NALCN: variants seen among roughly 807,000 people sequenced by gnomAD.
NALCN encodes sodium leak channel NALCN.
A neutral mutation model predicts 225.3 loss-of-function variants in NALCN; 111 were observed. The observed-to-expected ratio is 0.49, with a 90% CI of 0.42 to 0.58. The LOEUF (loss-of-function observed/expected upper bound fraction) is 0.58. Among genes scored for constraint, NALCN ranks in the 20% least tolerant of loss-of-function variants. The pLI is 0.00. For missense variants in NALCN, 1,378 were observed against 2,202.4 expected (o/e 0.63, Z 7.49); for synonymous variants, 764 against 769.0 (o/e 0.99, Z 0.11).
intron 43 of NALCN, chr13:101,057,720 T>C (rs1031570538): frequency 1.2e-5 from 7 of 560,850 alleles, no homozygotes; most frequent in African/African-American, 9.4e-5. Flanking sequence ...CATGATAGCC[T>C]GAAATGTACC....
At chr13:101,299,467 C>T (rs1029506444) in intron 7 of NALCN, among the ~76,000 whole-genome samples, 2 of 151,974 alleles carry the variant, frequency 1.3e-5, no homozygotes, top group African/African-American at 4.8e-5. Flanking sequence ...TTTGGGTAAG[C>T]TTTCAGGTTT....
At chr13:101,221,410 C>T (rs1361277981) in intron 13 of NALCN, among the ~76,000 whole-genome samples, 2 of 152,152 alleles carry the variant, frequency 1.3e-5, no homozygotes, top group Non-Finnish European at 2.9e-5. Context: ...AGCCCTGCAC[C>T]TGGCCAAAGA....
At chr13:101,351,019 G>A (rs1321663412) in intron 6 of NALCN, among the ~76,000 whole-genome samples, 1 of 152,002 alleles carries the variant, frequency 6.6e-6, no homozygotes, top group African/African-American at 2.4e-5. Context: ...ATACATATAT[G>A]TATATACACA....
intron 18 of NALCN, chr13:101,116,938 C>A (rs753195580): frequency 1.9e-6 from 1 of 515,724 alleles, no homozygotes; most frequent in Non-Finnish European, 3.9e-6. Flanking sequence ...ACTAGAGTGA[C>A]AATGTGATCT....
At chr13:101,144,943 T>C (rs1566337390) in intron 15 of NALCN, 47 bp from the exon 16 acceptor site, 2 of 1,545,752 alleles carry the variant, frequency 1.3e-6, no homozygotes, top group East Asian at 2.3e-5. Flanking sequence ...CCTATAATAC[T>C]ATTATATACG....
chr13:101,321,231 A>G (rs514503), intron 7 of NALCN, among the ~76,000 whole-genome samples: 52,423 of 140,386 alleles, frequency 0.37, 9,217 homozygotes, highest in Middle Eastern at 0.44. Flanking sequence ...CAAAAGTCAA[A>G]TATACCAATA....
At chr13:101,093,778 C>A (rs1414929146) in intron 28 of NALCN, among the ~76,000 whole-genome samples, 1 of 152,102 alleles carries the variant, frequency 6.6e-6, no homozygotes, top group Non-Finnish European at 1.5e-5. Flanking sequence ...TGGTTATTTT[C>A]AGTAATTCAG....
chr13:101,410,277 A>C (rs2047741675), intron 1 of NALCN, among the ~76,000 whole-genome samples: 1 of 152,206 alleles, frequency 6.6e-6, no homozygotes. Context: ...TGATCCCTGC[A>C]CACCTCTCCC....
At chr13:101,165,720 C>A (rs1176754922) in intron 15 of NALCN, among the ~76,000 whole-genome samples, 1 of 152,234 alleles carries the variant, frequency 6.6e-6, no homozygotes, top group East Asian at 1.9e-4. Context: ...AAACAATGTG[C>A]TTACCTCGGC....
intron 7 of NALCN, among the ~76,000 whole-genome samples, chr13:101,337,256 A>G (rs535137982): frequency 1.3e-5 from 2 of 151,744 alleles, no homozygotes; most frequent in African/African-American, 2.4e-5. Flanking sequence ...TGGACGTCAC[A>G]TTCCTTCACA....
In NALCN at chr13:101,231,803, G is replaced by T. The variant is rs141574003; in HGVS notation, c.1435-2219C>A. Among the ~76,000 whole-genome samples, 1,282 of 151,896 alleles carry T rather than the reference G, an allele frequency of 8.4e-3. 8 individuals are homozygous for T. The highest frequency in any genetic ancestry group is 0.028 in the South Asian group (135 of 4,794). ...TCTAAAATAACATTTGTTTCTTTTTGGCTTTCCAGTGCCTCTGGCTTCTTC... is the reference window on the plus strand; with the variant it reads ...TCTAAAATAACATTTGTTTCTTTTTTGCTTTCCAGTGCCTCTGGCTTCTTC... On this transcript the variant is annotated intron_variant, in intron 12 of 43. Transcript: ENST00000251127.
chr13:101,061,015 G>A (rs182369677), intron 41 of NALCN, among the ~76,000 whole-genome samples: 332 of 152,308 alleles, frequency 2.2e-3, no homozygotes, highest in African/African-American at 7.5e-3. Context: ...TGAGGAAGAG[G>A]ATTGAAACAA....
At chr13:101,110,554 A>C in intron 20 of NALCN, 65 bp downstream of exon 20, 1 of 1,542,322 alleles carries the variant, frequency 6.5e-7, no homozygotes, top group Non-Finnish European at 9.0e-7. Flanking sequence ...GCATTGTCTA[A>C]GCAGTCATTT....
chr13:101,245,128 C>G (rs928147950), intron 11 of NALCN, among the ~76,000 whole-genome samples: 2 of 152,154 alleles, frequency 1.3e-5, no homozygotes, highest in Non-Finnish European at 2.9e-5. Context: ...GCCTGGCAGC[C>G]CTCCACTGCT....
At chr13:101,147,789 C>T (rs982556665) in intron 15 of NALCN, among the ~76,000 whole-genome samples, 7 of 152,028 alleles carry the variant, frequency 4.6e-5, no homozygotes, top group South Asian at 2.1e-4. Flanking sequence ...ATCCCCACAC[C>T]GGGTTCCAGT....
At chr13:101,114,427 C>T (rs1288101539) in intron 18 of NALCN, among the ~76,000 whole-genome samples, 1 of 96,350 alleles carries the variant, frequency 1.0e-5, no homozygotes, top group African/African-American at 4.9e-5. Flanking sequence ...CATATTCATT[C>T]TCTCTCTCTC....
chr13:101,341,835 G>A (rs895385770), intron 7 of NALCN, among the ~76,000 whole-genome samples: 16 of 152,134 alleles, frequency 1.1e-4, no homozygotes. Flanking sequence ...CAGAAGGTAG[G>A]ACCTTTGGGT....
At position 101,185,595 on chromosome 13, in the gene NALCN, A is replaced by G. The variant is rs558406296; in HGVS notation, c.1764+6322T>C. 7.7e-4 allele frequency among the ~76,000 whole-genome samples: 117 copies of G among 152,362 alleles called. 1 individual carries two copies. Among genetic ancestry groups the G allele is most frequent in the Admixed American group, 3.0e-3 (46 of 15,306 alleles). On this transcript the variant is annotated intron_variant, in intron 14 of 43. Transcript: ENST00000251127. ...ATCAGTCAGGACAGAAATACAGAAT[A>G]CATACCTGGCGGAAGAGAGAGATGT...
intron 35 of NALCN, 30 bp from the exon 36 acceptor site, chr13:101,074,692 C>CAGAGAGAGAGAGAG (rs34229756): frequency 8.2e-7 from 1 of 1,216,502 alleles, no homozygotes; most frequent in African/African-American, 1.6e-5. Context: ...AGCGGGGAGA[C>CAGAGAGAGAGAGAG]AGAGAGAGAG....
Sources: allele counts gnomAD v4.1 joint callset (sites outside exome capture counted in the v4.1 genomes callset), GRCh38; gene constraint gnomAD v4.1.1; transcripts MANE v1.5; gene names NCBI Gene and HGNC (gene_info 2026-07-23, HGNC 2026-07-21).